Variants in COPG1 observed in about 807,000 individuals in gnomAD.
COPG1 encodes coatomer subunit gamma-1.
Under a neutral mutation model 102.8 loss-of-function variants are expected in COPG1, and 29 were observed. The ratio of observed to expected loss-of-function variants is 0.28; its 90% CI spans 0.21 to 0.38. The LOEUF (loss-of-function observed/expected upper bound fraction) is 0.38. COPG1 is among the 10% of genes least tolerant of loss of function. COPG1 has a pLI of 1.00. For missense variants in COPG1, 875 were observed against 1,132.7 expected (o/e 0.77, Z 3.27); for synonymous variants, 406 against 421.6 (o/e 0.96, Z 0.45).
In COPG1 at chr3:129,277,505, C is replaced by A; in HGVS notation, c.*81C>A. ...CCTTCCTCATGAAACTGGCAGAAAC[C>A]CCTTCCCAAGCTTCTGTATTGAAAA... On this transcript the variant is annotated 3_prime_UTR_variant, in exon 24 of 24. Coordinates refer to ENST00000314797, the MANE Select transcript of COPG1 (RefSeq NM_016128.4). 6.9e-7 allele frequency: 1 copy of A among 1,452,048 alleles called. No homozygotes were observed. The highest frequency in any genetic ancestry group is 1.4e-5 in the African/African-American group (1 of 71,592). 89.9% of individuals were successfully genotyped at this position (1,452,048 alleles called of 1,614,324 possible).
At chr3:129,251,555 ATATTTT>A (rs951116751) in intron 2 of COPG1, among the ~76,000 whole-genome samples, 2 of 149,060 alleles carry the variant, frequency 1.3e-5, no homozygotes, top group African/African-American at 5.0e-5. Flanking sequence ...GCTGATTTTT[ATATTTT>A]TAGTAGAGAT....
chr3:129,261,086 C>T (rs1190296397), intron 12 of COPG1, among the ~76,000 whole-genome samples: 2 of 152,226 alleles, frequency 1.3e-5, no homozygotes, highest in African/African-American at 4.8e-5. Context: ...ATTTCTTGAG[C>T]ACTTGCTGTC....
chr3:129,273,609 G>A (rs1163646236), intron 21 of COPG1, among the ~76,000 whole-genome samples: 1 of 152,116 alleles, frequency 6.6e-6, no homozygotes, highest in African/African-American at 2.4e-5. Flanking sequence ...AAACTTGATT[G>A]ACTTTTCACT....
At chr3:129,263,002 G>C (rs997634145) in intron 12 of COPG1, among the ~76,000 whole-genome samples, 14 of 139,854 alleles carry the variant, frequency 1.0e-4, no homozygotes, top group African/African-American at 4.0e-4. Flanking sequence ...CAGACAGAGC[G>C]AGACTCCGTC....
At chr3:129,268,754 C>A in intron 17 of COPG1, 134 bp downstream of exon 17, 1 of 1,216,078 alleles carries the variant, frequency 8.2e-7, no homozygotes, top group Non-Finnish European at 1.2e-6. Flanking sequence ...TTTTCCACCT[C>A]TGGCTCCAGA....
intron 21 of COPG1, chr3:129,274,133 C>A: frequency 2.2e-6 from 1 of 455,796 alleles, no homozygotes; most frequent in Non-Finnish European, 4.4e-6. Context: ...TGCTCTAAGA[C>A]CAAGTGAGCT....
At chr3:129,264,303 A>G (rs1231182768) in intron 13 of COPG1, among the ~76,000 whole-genome samples, 2 of 152,212 alleles carry the variant, frequency 1.3e-5, no homozygotes, top group Non-Finnish European at 2.9e-5. Context: ...GAAATATTCT[A>G]GACCATTCCA....
At chr3:129,264,892 G>A (rs1413978228) in intron 13 of COPG1, among the ~76,000 whole-genome samples, 3 of 151,808 alleles carry the variant, frequency 2.0e-5, no homozygotes, top group Non-Finnish European at 4.4e-5. Context: ...TGAGGTCTTG[G>A]CTCACTGCAA....
At chr3:129,251,669 A>G (rs1576958839) in intron 2 of COPG1, among the ~76,000 whole-genome samples, 1 of 149,734 alleles carries the variant, frequency 6.7e-6, no homozygotes, top group East Asian at 2.0e-4. Flanking sequence ...TATAAGCGTG[A>G]GCCACCGCGC....
At chr3:129,258,917 A>G (rs1939867174) in intron 10 of COPG1, among the ~76,000 whole-genome samples, 1 of 152,158 alleles carries the variant, frequency 6.6e-6, no homozygotes, top group East Asian at 1.9e-4. Flanking sequence ...GGATATGTTG[A>G]GAGGCTAGAA....
chr3:129,254,509 C>T, intron 5 of COPG1, 159 bp from the exon 6 acceptor site: 1 of 571,770 alleles, frequency 1.7e-6, no homozygotes, highest in South Asian at 2.3e-5. Context: ...GAAACTCCCT[C>T]CAGCAGCTGT....
chr3:129,254,574 C>T (rs1033982986), intron 5 of COPG1, 94 bp from the exon 6 acceptor site: 22 of 822,648 alleles, frequency 2.7e-5, no homozygotes, highest in Non-Finnish European at 4.0e-5. Context: ...TTAGGAGGCT[C>T]GTGTAGTAAT....
Position 129,265,654 on chromosome 3 carries a change from G to A in COPG1, c.1330G>A (p.Glu444Lys). The change falls in exon 14 of 24, where the codon GAG becomes AAG. Residue 444 changes from glutamate (E) to lysine (K), a missense_variant. By Grantham distance (56) the Glu-to-Lys change is moderately conservative. Coordinates refer to ENST00000314797, the MANE Select transcript of COPG1 (RefSeq NM_016128.4). ...TGLSHLCEFI[E>K]DCEFTVLATR... Reference sequence around the variant, plus strand: ...GCTGTCACATCTGTGCGAGTTCATCGAGGACTGCGAGTTCACAGTGCTGGC... The same window carrying A: ...GCTGTCACATCTGTGCGAGTTCATCAAGGACTGCGAGTTCACAGTGCTGGC... The A allele has an allele frequency of 3.1e-6, 5 of 1,614,174 alleles. No individual in the cohort carries two copies. Among genetic ancestry groups the A allele is most frequent in the Non-Finnish European group, 3.4e-6 (4 of 1,180,036 alleles).
At chr3:129,268,159 C>G in intron 16 of COPG1, 119 bp downstream of exon 16, 1 of 826,132 alleles carries the variant, frequency 1.2e-6, no homozygotes, top group South Asian at 1.6e-5. Context: ...CTGGCAACCT[C>G]ATGGCATCAT....
intron 2 of COPG1, among the ~76,000 whole-genome samples, chr3:129,251,391 AT>A (rs965199264): frequency 1.5e-4 from 22 of 143,726 alleles, no homozygotes; most frequent in Non-Finnish European, 2.4e-4. Context: ...ATATATATGT[AT>A]TTTTTTTTAG....
In COPG1 at chr3:129,256,065, C is replaced by T. The variant is rs1939802871; in HGVS notation, c.493-3C>T. On this transcript the variant is annotated splice_region_variant and splice_polypyrimidine_tract_variant and intron_variant, in intron 7 of 23. Transcript: ENST00000314797. ...GCCCCTTAATGTGTCCTGTTGCCCACAGCACCTGCTGAAGTGCAGCTTTGA... is the reference window on the plus strand; with the variant it reads ...GCCCCTTAATGTGTCCTGTTGCCCATAGCACCTGCTGAAGTGCAGCTTTGA... 2.5e-6 allele frequency: 4 copies of T among 1,613,438 alleles called. No individual in the cohort carries two copies. The highest frequency in any genetic ancestry group is 3.4e-6 in the Non-Finnish European group (4 of 1,179,692).
intron 17 of COPG1, 98 bp downstream of exon 17, chr3:129,268,718 A>C: frequency 7.1e-7 from 1 of 1,413,008 alleles, no homozygotes; most frequent in African/African-American, 1.4e-5. Flanking sequence ...GGTGGGTGGC[A>C]GTTATGCTGG....
chr3:129,255,957 C>T, intron 7 of COPG1, 111 bp from the exon 8 acceptor site: 1 of 845,486 alleles, frequency 1.2e-6, no homozygotes. Context: ...CTCTGAGGAC[C>T]AGGACAGTGG....
intron 8 of COPG1, among the ~76,000 whole-genome samples, chr3:129,257,205 T>C (rs1315080499): frequency 2.0e-5 from 3 of 152,216 alleles, no homozygotes; most frequent in African/African-American, 4.8e-5. Context: ...TCCCTTTCCA[T>C]ATCTGTATTT....
Sources: gnomAD v4.1 joint callset for allele counts (sites outside exome capture counted in the v4.1 genomes callset) on GRCh38, gnomAD v4.1.1 for gene constraint, MANE v1.5 for transcripts, NCBI Gene and HGNC (gene_info 2026-07-23, HGNC 2026-07-21) for gene names.